The following MEF2D variants were observed in gnomAD, a reference collection of about 807,000 sequenced individuals.
MEF2D encodes the protein myocyte-specific enhancer factor 2D.
MEF2D carries 10 observed loss-of-function variants against 59.3 expected under a neutral mutation model. The ratio of observed to expected loss-of-function variants is 0.17; its 90% CI spans 0.10 to 0.29. The LOEUF is 0.29. MEF2D is among the 10% of genes least tolerant of loss of function. The pLI is 1.00. For missense variants in MEF2D, 508 were observed against 699.4 expected, an observed-to-expected ratio of 0.73 and a Z score of 3.09; for synonymous variants, 305 against 295.0, an observed-to-expected ratio of 1.03 and a Z score of -0.35.
rs2102119127 is a variant in MEF2D, at chr1:156,480,923, C to T, written c.307G>A (p.Gly103Arg). The T allele has an allele frequency of 2.5e-6, 4 of 1,612,166 alleles. No homozygotes were observed. Among genetic ancestry groups the T allele is most frequent in the Non-Finnish European group, 3.4e-6 (4 of 1,179,780 alleles). The change falls in exon 4 of 12, where the codon GGG becomes AGG. Residue 103 changes from glycine (G) to arginine (R), a missense_variant. Physicochemically the swap from Gly to Arg is moderately radical, Grantham distance 125. This residue lies in a region of MEF2D where 481 missense variants were observed against 584.7 expected (regional missense o/e 0.82). Transcript: ENST00000348159. Reference sequence around the variant, plus strand: ...GGGCTCTGTTCCAGCGAGTCCTCCCCGTCGGGCTCGGGGCTGTCGCAGCCG... The same window carrying T: ...GGGCTCTGTTCCAGCGAGTCCTCCCTGTCGGGCTCGGGGCTGTCGCAGCCG... ...FNGCDSPEPD[G>R]EDSLEQSPLL...
chr1:156,471,991 A>G (rs1322652904), intron 9 of MEF2D, among the ~76,000 whole-genome samples: 2 of 152,216 alleles, frequency 1.3e-5, no homozygotes, highest in Non-Finnish European at 2.9e-5. Context: ...ACAGATGAGA[A>G]TCTTTAAGTC....
intron 9 of MEF2D, among the ~76,000 whole-genome samples, chr1:156,470,920 C>T (rs1671199530): frequency 6.6e-6 from 1 of 152,162 alleles, no homozygotes; most frequent in Non-Finnish European, 1.5e-5. Flanking sequence ...GACAGGACCC[C>T]AGGACTCTAT....
At chr1:156,487,708 A>G (rs1672462256) in intron 1 of MEF2D, among the ~76,000 whole-genome samples, 1 of 151,918 alleles carries the variant, frequency 6.6e-6, no homozygotes. Flanking sequence ...GAACACCTGG[A>G]CCTCCTTAAT....
chr1:156,489,015 A>T (rs2102211532), intron 1 of MEF2D, among the ~76,000 whole-genome samples: 1 of 152,348 alleles, frequency 6.6e-6, no homozygotes, highest in East Asian at 1.9e-4. Flanking sequence ...ATCTGCTTCC[A>T]GAGCTCCCAT....
intron 9 of MEF2D, among the ~76,000 whole-genome samples, chr1:156,471,206 C>G (rs1671216366): frequency 6.6e-6 from 1 of 152,180 alleles, no homozygotes; most frequent in Non-Finnish European, 1.5e-5. Context: ...TCTCGGCTCA[C>G]CGCAACCTCT....
intron 11 of MEF2D, 47 bp downstream of exon 11, chr1:156,467,946 C>T (rs374535762): frequency 2.0e-5 from 32 of 1,574,484 alleles, no homozygotes; most frequent in Non-Finnish European, 2.7e-5. Flanking sequence ...GGGGCAGTCC[C>T]TGGGTGTAGC....
chr1:156,467,914 TA>T, intron 11 of MEF2D, 78 bp downstream of exon 11: 2 of 1,503,670 alleles, frequency 1.3e-6, no homozygotes, highest in Non-Finnish European at 1.8e-6. Context: ...GGGTGGGAAA[TA>T]AAACAGGTTA....
chr1:156,496,948 T>G (rs1430796966), intron 1 of MEF2D, among the ~76,000 whole-genome samples: 1 of 152,162 alleles, frequency 6.6e-6, no homozygotes, highest in African/African-American at 2.4e-5. Flanking sequence ...GAGATCCAAA[T>G]AGCACCGACC....
chr1:156,481,075 T>C (rs939311640), intron 3 of MEF2D, 104 bp from the exon 4 acceptor site: 40 of 1,525,426 alleles, frequency 2.6e-5, no homozygotes, highest in Non-Finnish European at 3.4e-5. Flanking sequence ...TTCCCCGACC[T>C]CCTTCTTCAG....
At position 156,476,528 on chromosome 1, in the gene MEF2D, T is replaced by C; in HGVS notation, c.856-14A>G. The C allele has an allele frequency of 6.2e-7, 1 of 1,610,626 alleles. No individual in the cohort carries two copies. Among genetic ancestry groups the C allele is most frequent in the Non-Finnish European group, 8.5e-7 (1 of 1,178,558 alleles). ...ATGGTCCTCAGTCTGAGAGCAGAAATAAAACCAAGGGGATGTTCAGTCTCT... is the reference window on the plus strand; with the variant it reads ...ATGGTCCTCAGTCTGAGAGCAGAAACAAAACCAAGGGGATGTTCAGTCTCT... On this transcript the variant is annotated splice_polypyrimidine_tract_variant and intron_variant, in intron 7 of 11. Coordinates refer to ENST00000348159, the MANE Select transcript of MEF2D (RefSeq NM_005920.4).
chr1:156,487,909 C>A (rs1306710340), intron 1 of MEF2D, among the ~76,000 whole-genome samples: 1 of 152,244 alleles, frequency 6.6e-6, no homozygotes, highest in African/African-American at 2.4e-5. Flanking sequence ...CTCTCCTTCA[C>A]CCTGCCTAGT....
rs1249769114 is a variant in MEF2D, at chr1:156,465,613, C to G, written c.*2032G>C. The G allele has an allele frequency of 6.6e-6, 1 of 152,626 alleles. No homozygotes were observed. Among genetic ancestry groups the G allele is most frequent in the Non-Finnish European group, 1.5e-5 (1 of 68,284 alleles). 9.5% of individuals were successfully genotyped at this position (152,626 alleles called of 1,614,324 possible). ...ACACACACCCAGCCAGGGTCAGAGA[C>G]ACACAGAGGCACACCCGTGCAACCA... On this transcript the variant is annotated 3_prime_UTR_variant, in exon 12 of 12. Transcript: ENST00000348159.
intron 9 of MEF2D, among the ~76,000 whole-genome samples, chr1:156,473,670 T>G (rs1571224633): frequency 6.6e-6 from 1 of 152,068 alleles, no homozygotes; most frequent in East Asian, 1.9e-4. Context: ...AGTGGGTGGG[T>G]GACACAGGCC....
Position 156,475,141 on chromosome 1 carries a change from G to C in MEF2D, c.973C>G (p.Pro325Ala). ...TAGGCAGTGGGCATGGAAGAGAAGG[G>C]GAGGCCCTGGCTGAGTAAACTCGGC... is the stretch of plus-strand genomic sequence containing the variant. ...ATPSLLSQGL[P>A]FSSMPTAYNT... Residue 325 changes from proline (P) to alanine (A), a missense_variant, in exon 9 of 12, where the codon CCC becomes GCC. Transcript: ENST00000348159. 2 of 1,614,222 alleles carry C rather than the reference G, an allele frequency of 1.2e-6. No homozygotes were observed. The highest frequency in any genetic ancestry group is 4.5e-5 in the East Asian group (2 of 44,878).
In MEF2D at chr1:156,465,016, A is replaced by G. The variant is rs1670756460; in HGVS notation, c.*2629T>C. The G allele has an allele frequency of 6.6e-6, 1 of 152,262 alleles. No individual in the cohort carries two copies. Among genetic ancestry groups the G allele is most frequent in the South Asian group, 2.1e-4 (1 of 4,834 alleles). The allele number at this position is 152,262 out of a possible 1,614,324, so 9.4% of individuals were successfully genotyped here. Reference sequence around the variant, plus strand: ...ATTGAGTGCCTACTATGTGCCAGGCACTGGGCGAGGCTCTGGGGACGCATG... The same window carrying G: ...ATTGAGTGCCTACTATGTGCCAGGCGCTGGGCGAGGCTCTGGGGACGCATG... On this transcript the variant is annotated 3_prime_UTR_variant, in exon 12 of 12. Coordinates refer to ENST00000348159, the MANE Select transcript of MEF2D (RefSeq NM_005920.4).
chr1:156,467,552 G>C lies in MEF2D; in HGVS notation c.*93C>G. The stretch of plus-strand genomic sequence containing the variant: ...ACACGAAGCACAAGAAAGGAAGTGG[G>C]GGTCGAGCGGGAGGAGCCCGGGGCA... On this transcript the variant is annotated 3_prime_UTR_variant, in exon 12 of 12. Coordinates refer to ENST00000348159, the MANE Select transcript of MEF2D (RefSeq NM_005920.4). 1 of 949,396 alleles carries C rather than the reference G, an allele frequency of 1.1e-6. No individual in the cohort carries two copies. The highest frequency in any genetic ancestry group is 1.4e-6 in the Non-Finnish European group (1 of 689,964). 58.8% of individuals were successfully genotyped at this position (949,396 alleles called of 1,614,324 possible). A position where few individuals can be genotyped will look rare whatever the true frequency, so the allele number is the denominator to read the frequency against.
intron 1 of MEF2D, among the ~76,000 whole-genome samples, chr1:156,494,112 C>A (rs892004539): frequency 6.6e-6 from 1 of 152,168 alleles, no homozygotes; most frequent in Non-Finnish European, 1.5e-5. Flanking sequence ...CTACCCCAAC[C>A]ATCATCCCTC....
intron 1 of MEF2D, among the ~76,000 whole-genome samples, chr1:156,486,069 C>T (rs1672339093): frequency 1.3e-5 from 2 of 152,246 alleles, no homozygotes; most frequent in East Asian, 1.9e-4. Context: ...AGGTTGGTCT[C>T]GAACTCCTGA....
Position 156,468,326 on chromosome 1 carries a change from A to G in MEF2D, c.1248-27T>C, listed in dbSNP as rs768171559. 3 of 1,510,726 alleles carry G rather than the reference A, an allele frequency of 2.0e-6. No individual in the cohort carries two copies. The South Asian group carries it at 3.9e-5, about 20-fold the overall frequency. 93.6% of individuals were successfully genotyped at this position (1,510,726 alleles called of 1,614,324 possible). A position where few individuals can be genotyped will look rare whatever the true frequency, so the allele number is the denominator to read the frequency against. On this transcript the variant is annotated intron_variant, in intron 10 of 11. Transcript: ENST00000348159. This position sits in a 1 kb window ranked among gnomAD's most constrained non-coding sequence, Gnocchi z 4.3. ...TGGAGGCAGGCAATGGAAATGGGGTACAAGGGATAAAAACAGAGGGGGTGA... is the reference window on the plus strand; with the variant it reads ...TGGAGGCAGGCAATGGAAATGGGGTGCAAGGGATAAAAACAGAGGGGGTGA...
Sources: gnomAD v4.1 joint callset for allele counts (sites outside exome capture counted in the v4.1 genomes callset) on GRCh38, gnomAD v4.1.1 for gene constraint, gnomAD v4.1.1 regional missense constraint, Gnocchi (gnomAD v3.1) non-coding constraint, MANE v1.5 for transcripts, NCBI Gene and HGNC (gene_info 2026-07-23, HGNC 2026-07-21) for gene names.